NTMT1: variants seen among roughly 807,000 people sequenced by gnomAD.
NTMT1 encodes N-terminal Xaa-Pro-Lys N-methyltransferase 1.
A neutral mutation model predicts 17.5 loss-of-function variants in NTMT1; 8 were observed. The observed-to-expected ratio is 0.46, with a 90% CI of 0.27 to 0.82. The LOEUF is 0.82. Among genes scored for constraint, NTMT1 ranks in the 40% least tolerant of loss-of-function variants. NTMT1 has a pLI of 0.15. For synonymous variants in NTMT1, 128 were observed against 126.8 expected (o/e 1.01, Z -0.06); for missense variants, 221 against 303.5 (o/e 0.73, Z 2.02).
At chr9:129,615,017 GGA>G (rs1231388345) in intron 1 of NTMT1, among the ~76,000 whole-genome samples, 2 of 152,254 alleles carry the variant, frequency 1.3e-5, no homozygotes, top group Admixed American at 6.5e-5. Context: ...ACTGTCTCCA[GGA>G]GAGAGAAAGT....
Position 129,620,395 on chromosome 9 carries a change from C to T in NTMT1, c.-55+11217C>T, listed in dbSNP as rs1422128276. ...GCTTGGCGTCCCCTTCCGGCCACCA[C>T]GCGGCGCCGCCCCCCGGGATCCTCC... On this transcript the variant is annotated intron_variant, in intron 1 of 3. Coordinates refer to the NTMT1 transcript ENST00000372486. This position sits in a 1 kb window ranked among gnomAD's most constrained non-coding sequence, Gnocchi z 5.8. 3 of 1,232,658 alleles carry T rather than the reference C, an allele frequency of 2.4e-6. No homozygotes were observed. Among genetic ancestry groups the T allele is most frequent in the East Asian group, 6.4e-5 (2 of 31,384 alleles). The allele number at this position is 1,232,658 out of a possible 1,614,324, so 76.4% of individuals were successfully genotyped here. A position where few individuals can be genotyped will look rare whatever the true frequency, so the allele number is the denominator to read the frequency against.
At chr9:129,630,799 C>T (rs1405224955) in intron 1 of NTMT1, among the ~76,000 whole-genome samples, 1 of 152,248 alleles carries the variant, frequency 6.6e-6, no homozygotes, top group East Asian at 1.9e-4. Context: ...TGCGCGTTTT[C>T]CACCGAGGGT....
intron 1 of NTMT1, among the ~76,000 whole-genome samples, chr9:129,610,744 A>G (rs993449654): frequency 3.3e-5 from 5 of 152,034 alleles, no homozygotes; most frequent in African/African-American, 7.2e-5. Context: ...CAGCCGGCGC[A>G]GGGGCCGGGG....
chr9:129,623,129 C>T (rs1331641315), upstream of NTMT1, among the ~76,000 whole-genome samples: 1 of 151,932 alleles, frequency 6.6e-6, no homozygotes, highest in Non-Finnish European at 1.5e-5. Context: ...GTCAGGAGAT[C>T]GAGACCATCC....
At chr9:129,619,232 T>C (rs530996896) in intron 1 of NTMT1, among the ~76,000 whole-genome samples, 16 of 152,058 alleles carry the variant, frequency 1.1e-4, no homozygotes, top group Non-Finnish European at 2.2e-4. Flanking sequence ...ATGAGATGGA[T>C]GCAAAGATGG....
chr9:129,619,520 T>C (rs149618149), intron 1 of NTMT1: 2 of 1,610,258 alleles, frequency 1.2e-6, no homozygotes, highest in Non-Finnish European at 1.7e-6. Context: ...CATCACTCAC[T>C]GGTTGGCCTT....
chr9:129,634,259 C>T lies in NTMT1; in HGVS notation c.368C>T (p.Thr123Ile). The T allele has an allele frequency of 6.2e-7, 1 of 1,613,410 alleles. No individual in the cohort carries two copies. The highest frequency in any genetic ancestry group is 8.5e-7 in the Non-Finnish European group (1 of 1,179,596). The change falls in exon 3 of 4, where the codon ACC (threonine) becomes ATC (isoleucine). Residue 123 changes from threonine to isoleucine, a missense_variant. Transcript: ENST00000372483. Reference protein sequence around the residue: ...NYFCCGLQDFTPEPDSYDVIW... With the variant: ...NYFCCGLQDFIPEPDSYDVIW... Reference sequence around the variant, plus strand: ...TTCTGTTGTGGGCTCCAGGACTTCACCCCGGAGCCGGACTCTTACGACGTG... The same window carrying T: ...TTCTGTTGTGGGCTCCAGGACTTCATCCCGGAGCCGGACTCTTACGACGTG...
chr9:129,612,638 G>C (rs1229726683), intron 1 of NTMT1, among the ~76,000 whole-genome samples: 1 of 152,238 alleles, frequency 6.6e-6, no homozygotes, highest in African/African-American at 2.4e-5. Flanking sequence ...AGCAGTTTGG[G>C]AGGCCAAGGC....
At position 129,613,422 on chromosome 9, in the gene NTMT1, C is replaced by G; in HGVS notation, c.-55+4244C>G. On this transcript the variant is annotated intron_variant, in intron 1 of 3. Coordinates refer to the NTMT1 transcript ENST00000372486. This position sits in a 1 kb window ranked among gnomAD's most constrained non-coding sequence, Gnocchi z 6.2. ...AATGTCCACGAGTCCCATCCGCTTC[C>G]CTGGAGCCTCACAGGCCAGCGCAGT... 1 of 1,612,558 alleles carries G rather than the reference C, an allele frequency of 6.2e-7. No individual in the cohort carries two copies. Among genetic ancestry groups the G allele is most frequent in the Non-Finnish European group, 8.5e-7 (1 of 1,179,116 alleles).
chr9:129,615,449 C>T (rs918166), intron 1 of NTMT1: 662,516 of 1,522,042 alleles, frequency 0.44, 148,813 homozygotes, highest in African/African-American at 0.68. Flanking sequence ...CTAGAACTTT[C>T]GGGAGTCTCG....
At chr9:129,625,051 C>G (rs1481015756), upstream of NTMT1, among the ~76,000 whole-genome samples, 2 of 152,194 alleles carry the variant, frequency 1.3e-5, no homozygotes, top group African/African-American at 2.4e-5. Flanking sequence ...GTGCAATGTC[C>G]CACAAGTTTA....
In NTMT1 at chr9:129,613,658, C is replaced by T; in HGVS notation, c.-55+4480C>T. The T allele has an allele frequency of 2.5e-6, 4 of 1,598,082 alleles. No homozygotes were observed. The highest frequency in any genetic ancestry group is 2.6e-6 in the Non-Finnish European group (3 of 1,170,006). ...GGAGGAGGGCACTGGTGCCCCCACC[C>T]TCTTTTCCTCCCTCTGGCAGGCAGG... On this transcript the variant is annotated intron_variant, in intron 1 of 3. Transcript: ENST00000372486. This position sits in a 1 kb window ranked among gnomAD's most constrained non-coding sequence, Gnocchi z 6.2.
chr9:129,612,476 G>T, intron 1 of NTMT1: 4 of 1,595,216 alleles, frequency 2.5e-6, no homozygotes, highest in Non-Finnish European at 2.6e-6. Flanking sequence ...CAGAGGACCA[G>T]CTGGCTGCTA....
In NTMT1 at chr9:129,613,128, G is replaced by A. The variant is rs764746182; in HGVS notation, c.-55+3950G>A. 25 of 1,613,796 alleles carry A rather than the reference G, an allele frequency of 1.5e-5. No individual in the cohort carries two copies. On this transcript the variant is annotated intron_variant, in intron 1 of 3. Coordinates refer to the NTMT1 transcript ENST00000372486. The surrounding 1 kb of genome is among the most constrained non-coding windows in gnomAD (Gnocchi z 6.2). ...CCACCTGCTCCAGGTTTCTGTGCGG[G>A]TCCAAGAAGGCTCGGAGGCTGCTTC...
rs1310945450 is a variant in NTMT1 at position 129,635,308 on chromosome 9, G to A, written c.516G>A (p.Glu172=). The change falls in exon 4 of 4, where the codon GAG becomes GAA. Residue 172 remains glutamate (E), a synonymous_variant. Transcript: ENST00000372483. ...TCATCAAAGACAACATGGCCCAGGA[G>A]GGCGTGATTCTGGACGACGTGGACA... The part of the protein sequence containing the change: ...IIVIKDNMAQ[E]GVILDDVDSS... 1.2e-6 allele frequency: 2 copies of A among 1,613,842 alleles called. No individual in the cohort carries two copies. The highest frequency in any genetic ancestry group is 1.7e-6 in the Non-Finnish European group (2 of 1,180,036).
chr9:129,621,705 C>T (rs1255849638), upstream of NTMT1, among the ~76,000 whole-genome samples: 1 of 152,140 alleles, frequency 6.6e-6, no homozygotes, highest in Non-Finnish European at 1.5e-5. Context: ...CTTTGGGAGG[C>T]AGAGCCCCAG....
At chr9:129,633,054 C>T in intron 2 of NTMT1, 189 bp downstream of exon 2, 1 of 580,028 alleles carries the variant, frequency 1.7e-6, no homozygotes, top group South Asian at 2.4e-5. Flanking sequence ...GTGGACTTAG[C>T]CTCAGGGTTA....
chr9:129,619,378 T>C, intron 1 of NTMT1: 1 of 682,156 alleles, frequency 1.5e-6, no homozygotes, highest in Non-Finnish European at 2.6e-6. Flanking sequence ...GAAGATCTGA[T>C]TCACGGACAG....
At chr9:129,610,682 C>A (rs1032198034) in intron 1 of NTMT1, among the ~76,000 whole-genome samples, 1 of 152,062 alleles carries the variant, frequency 6.6e-6, no homozygotes, top group East Asian at 1.9e-4. Context: ...CCGCGCCAGG[C>A]GGCGCCAAAG....
Sources: allele counts gnomAD v4.1 joint callset (sites outside exome capture counted in the v4.1 genomes callset), GRCh38; gene constraint gnomAD v4.1.1; non-coding constraint Gnocchi (gnomAD v3.1); transcripts MANE v1.5; gene names NCBI Gene and HGNC (gene_info 2026-07-23, HGNC 2026-07-21).